Variants in DIP2A observed in about 807,000 individuals in gnomAD.
DIP2A encodes the protein disco-interacting protein 2 homolog A.
DIP2A carries 85 observed loss-of-function variants against 177.4 expected under a neutral mutation model. The observed-to-expected ratio is 0.48, with a 90% CI of 0.40 to 0.57. The LOEUF (loss-of-function observed/expected upper bound fraction) is 0.57. Ranked by LOEUF, DIP2A falls within the 20% of genes least tolerant of loss-of-function variation. The pLI, the probability that DIP2A is intolerant of heterozygous loss-of-function variation, is 0.00. For synonymous variants in DIP2A, 886 were observed against 881.8 expected (o/e 1.00, Z -0.08); for missense variants, 1,791 against 2,100.2 (o/e 0.85, Z 2.88).
intron 28 of DIP2A, among the ~76,000 whole-genome samples, chr21:46,555,195 C>A (rs1049261342): frequency 2.2e-4 from 34 of 152,244 alleles, no homozygotes; most frequent in African/African-American, 8.0e-4. Flanking sequence ...CACCCGCCTC[C>A]TACTGGCATG....
At chr21:46,485,135 G>A (rs1035439577) in intron 2 of DIP2A, among the ~76,000 whole-genome samples, 4 of 152,058 alleles carry the variant, frequency 2.6e-5, no homozygotes, top group Admixed American at 1.3e-4. Flanking sequence ...GAACAACCTG[G>A]CACAATTCTT....
chr21:46,546,793 C>T (rs975963263), intron 20 of DIP2A, 122 bp from the exon 21 acceptor site: 38 of 1,132,502 alleles, frequency 3.4e-5, no homozygotes, highest in South Asian at 2.4e-4. Context: ...GGCATTGACC[C>T]GTTTGCAAGG....
Position 46,563,672 on chromosome 21 carries a change from A to G in DIP2A, c.4090-186A>G, listed in dbSNP as rs993716005. ...AACTGGAGTCATTTTGCTTATTTCTATTAACATCTCTTATTTCTTTCAAAA... is the reference window on the plus strand; with the variant it reads ...AACTGGAGTCATTTTGCTTATTTCTGTTAACATCTCTTATTTCTTTCAAAA... On this transcript the variant is annotated intron_variant, in intron 34 of 37. Coordinates refer to ENST00000417564, the MANE Select transcript of DIP2A (RefSeq NM_015151.4). The surrounding 1 kb of genome is among the most constrained non-coding windows in gnomAD (Gnocchi z 4.3). 6.1e-6 allele frequency: 7 copies of G among 1,138,676 alleles called. No individual in the cohort carries two copies. In the East Asian group the frequency reaches 8.2e-5, roughly 13 times the overall value. 70.5% of individuals were successfully genotyped at this position (1,138,676 alleles called of 1,614,324 possible).
At chr21:46,507,362 ATAGT>A (rs2058064785) in intron 6 of DIP2A, among the ~76,000 whole-genome samples, 1 of 152,332 alleles carries the variant, frequency 6.6e-6, no homozygotes, top group Non-Finnish European at 1.5e-5. Flanking sequence ...ATTTAGGTAG[ATAGT>A]TCATTTTGAG....
rs1330149128 is a variant in DIP2A at position 46,547,062 on chromosome 21, C to T, written c.2522+20C>T. ...AGGCAGGTGATGCGCTGCGGACCCC[C>T]ACGCCGGGAGTAGATTCCTTCATTT... On this transcript the variant is annotated intron_variant, in intron 21 of 37. Transcript: ENST00000417564. 1.2e-6 allele frequency: 2 copies of T among 1,609,430 alleles called. No individual in the cohort carries two copies. The highest frequency in any genetic ancestry group is 1.7e-6 in the Non-Finnish European group (2 of 1,176,298).
rs1214744290 is a variant in DIP2A, at chr21:46,541,863, C to A, written c.2144C>A (p.Thr715Asn). ...ACTGAAGAAAAGTTGTCAGTCCTTA[C>A]TGTTCAGGACGTTGGTCAGGTGATG... is the stretch of plus-strand genomic sequence containing the variant. The part of the protein sequence containing the change: ...VDTEEKLSVL[T>N]VQDVGQVMPG... Residue 715 changes from threonine (T) to asparagine (N), a missense_variant, in exon 18 of 38, where the codon ACT becomes AAT. Physicochemically the swap from Thr to Asn is moderately conservative, Grantham distance 65 (BLOSUM62 0). Coordinates refer to ENST00000417564, the MANE Select transcript of DIP2A (RefSeq NM_015151.4). 6.2e-7 allele frequency: 1 copy of A among 1,614,052 alleles called. No individual in the cohort carries two copies. Among genetic ancestry groups the A allele is most frequent in the East Asian group, 2.2e-5 (1 of 44,886 alleles).
At chr21:46,538,692 A>AT in intron 16 of DIP2A, 90 bp downstream of exon 16, 1 of 1,484,990 alleles carries the variant, frequency 6.7e-7, no homozygotes, top group Non-Finnish European at 9.0e-7. Flanking sequence ...AAATGGAGGC[A>AT]TTTTCACTGC....
At chr21:46,469,068 AT>A (rs1412422228) in intron 1 of DIP2A, 1 of 152,116 alleles carries the variant, frequency 6.6e-6, no homozygotes, top group African/African-American at 2.4e-5. Flanking sequence ...TTTAAAACTC[AT>A]TGTATCACTC....
intron 25 of DIP2A, chr21:46,553,056 GA>G (rs2060329829): frequency 1.3e-5 from 2 of 152,456 alleles, no homozygotes. Context: ...CCAGGTAGGG[GA>G]TGCAGATAAG....
Position 46,563,604 on chromosome 21 carries a change from C to A in DIP2A, c.4090-254C>A. ...TGATTGTCTTTGTAGGCTTAGTGAC[C>A]CTCTGCCCCTCCTGACACCCAGAGA... On this transcript the variant is annotated intron_variant, in intron 34 of 37. Transcript: ENST00000417564. The surrounding 1 kb of genome is among the most constrained non-coding windows in gnomAD (Gnocchi z 4.3). The A allele has an allele frequency of 2.0e-6, 1 of 506,584 alleles. No individual in the cohort carries two copies. Among genetic ancestry groups the A allele is most frequent in the Non-Finnish European group, 3.4e-6 (1 of 294,182 alleles). The allele number at this position is 506,584 out of a possible 1,614,324, so 31.4% of individuals were successfully genotyped here.
chr21:46,567,740 TCCCTCTC>T lies in DIP2A; in HGVS notation c.*119_*125del. On this transcript the variant is annotated 3_prime_UTR_variant, in exon 38 of 38. Transcript: ENST00000417564. ...CTCGCCCTTCCTGTGCTCTTACAGA[TCCCTCTC>T]AACAATCCCCGCATCTCCTTTTAGA... 1 of 1,297,504 alleles carries T rather than the reference TCCCTCTC, an allele frequency of 7.7e-7. No homozygotes were observed. Among genetic ancestry groups the T allele is most frequent in the Non-Finnish European group, 1.0e-6 (1 of 960,406 alleles). 80.4% of individuals were successfully genotyped at this position (1,297,504 alleles called of 1,614,324 possible).
intron 5 of DIP2A, among the ~76,000 whole-genome samples, chr21:46,503,606 T>TCCTG (rs1274038486): frequency 9.0e-6 from 1 of 111,248 alleles, no homozygotes; most frequent in Admixed American, 8.7e-5. Flanking sequence ...CTTCCTTCCT[T>TCCTG]CCTTCCTTTC....
intron 16 of DIP2A, 159 bp from the exon 17 acceptor site, chr21:46,539,718 T>C: frequency 1.5e-6 from 1 of 681,108 alleles, no homozygotes; most frequent in East Asian, 2.7e-5. Flanking sequence ...TTGAAGAACA[T>C]GAAGTCTGAG....
chr21:46,481,645 A>G (rs1401734845), intron 1 of DIP2A, among the ~76,000 whole-genome samples: 1 of 152,200 alleles, frequency 6.6e-6, no homozygotes, highest in African/African-American at 2.4e-5. Context: ...TTAAAGCTTT[A>G]GCTGTTTGAA....
intron 20 of DIP2A, 153 bp downstream of exon 20, chr21:46,546,114 A>G (rs2060027082): frequency 1.4e-6 from 2 of 1,480,240 alleles, no homozygotes; most frequent in Admixed American, 4.1e-5. Flanking sequence ...CCATCACCCT[A>G]CCTGTGTGCA....
At chr21:46,528,568 T>TTTTTTTTTTTTTTTTTTTTTTTA (rs1569043246) in intron 8 of DIP2A, among the ~76,000 whole-genome samples, 2 of 90,576 alleles carry the variant, frequency 2.2e-5, no homozygotes, top group Non-Finnish European at 2.3e-5. Context: ...TTTTTTTTTT[T>TTTTTTTTTTTTTTTTTTTTTTTA]AGATAATGTC....
chr21:46,462,386 G>C (rs566630278), intron 1 of DIP2A: 8 of 152,320 alleles, frequency 5.3e-5, no homozygotes, highest in African/African-American at 1.9e-4. Context: ...AAGTGTCTGT[G>C]AATCTCCTGT....
chr21:46,496,616 G>T (rs1291626711), intron 3 of DIP2A, among the ~76,000 whole-genome samples: 1 of 152,100 alleles, frequency 6.6e-6, no homozygotes, highest in Non-Finnish European at 1.5e-5. Context: ...GAAATTTTAC[G>T]AATTTGTATT....
At chr21:46,575,933 TAAAC>T in the DIP2A span, among the ~76,000 whole-genome samples, 1 of 152,138 alleles carries the variant, frequency 6.6e-6, no homozygotes, top group East Asian at 1.9e-4. Flanking sequence ...ACACTCTGAA[TAAAC>T]AAAGCAATTT....
Sources: gnomAD v4.1 joint callset for allele counts (sites outside exome capture counted in the v4.1 genomes callset) on GRCh38, gnomAD v4.1.1 for gene constraint, Gnocchi (gnomAD v3.1) non-coding constraint, MANE v1.5 for transcripts, NCBI Gene and HGNC (gene_info 2026-07-23, HGNC 2026-07-21) for gene names.